Variants in EQTN observed in about 807,000 individuals in gnomAD.
EQTN encodes Acrosome formation associated factor.
In EQTN, 29 loss-of-function variants were observed where a neutral mutation model predicts 26.9. The observed-to-expected ratio is 1.08, with a 90% CI of 0.80 to 1.47. The LOEUF (loss-of-function observed/expected upper bound fraction) is 1.47, where lower values mean the gene tolerates loss of function less well. EQTN is among the 40% of genes most tolerant of loss of function. The pLI, the probability that EQTN is intolerant of heterozygous loss-of-function variation, is 0.00. For synonymous variants in EQTN, 129 were observed against 120.0 expected (o/e 1.07, Z -0.49); for missense variants, 391 against 346.1 (o/e 1.13, Z -1.03).
In EQTN at chr9:27,292,430, G is replaced by A. The variant is rs752563294; in HGVS notation, c.347C>T (p.Thr116Ile). ...AATATTTTTATGAGAGGGTTCGCTA[G>A]TAGTTGTTTCTTCTTCAATGGTGGA... is the stretch of plus-strand genomic sequence containing the variant. ...EKSTIEEETT[T>I]SEPSHKNIQR... The change falls in exon 4 of 8, where the codon ACT (threonine) becomes ATT (isoleucine). Residue 116 changes from threonine to isoleucine, a missense_variant. Physicochemically the swap from Thr to Ile is moderately conservative, Grantham distance 89. Transcript: ENST00000380032. 1.9e-6 allele frequency: 3 copies of A among 1,608,132 alleles called. No individual in the cohort carries two copies. Among genetic ancestry groups the A allele is most frequent in the African/African-American group, 1.3e-5 (1 of 74,736 alleles).
chr9:27,287,721 C>A (rs1046180890), intron 6 of EQTN, among the ~76,000 whole-genome samples: 8 of 152,140 alleles, frequency 5.3e-5, no homozygotes, highest in Non-Finnish European at 1.5e-5. Flanking sequence ...AGAAATGACA[C>A]AGTATTTATA....
rs754988912 is a variant in EQTN at position 27,296,754 on chromosome 9, A to G, written c.77-16T>C. 6.9e-6 allele frequency: 11 copies of G among 1,598,676 alleles called. No homozygotes were observed. The highest frequency in any genetic ancestry group is 9.3e-6 in the Non-Finnish European group (11 of 1,176,542). On this transcript the variant is annotated splice_polypyrimidine_tract_variant and intron_variant, in intron 1 of 7. Transcript: ENST00000380032. ...TTAGGCAATGCTAAAAAAAAGTATC[A>G]CACACCATAGATCAGAAATATGTTG...
In EQTN at chr9:27,284,659, A is replaced by G. The variant is rs1047618767; in HGVS notation, c.*64T>C. On this transcript the variant is annotated 3_prime_UTR_variant, in exon 8 of 8. Transcript: ENST00000380032. ...AGAAGACATAAAGAAAGGTCTTTTG[A>G]TGACAAAATAATTAAAGTTATTTAT... is the stretch of plus-strand genomic sequence containing the variant. 3 of 1,530,392 alleles carry G rather than the reference A, an allele frequency of 2.0e-6. No individual in the cohort carries two copies. The highest frequency in any genetic ancestry group is 2.8e-5 in the African/African-American group (2 of 72,506). 94.8% of individuals were successfully genotyped at this position (1,530,392 alleles called of 1,614,324 possible). A position where few individuals can be genotyped will look rare whatever the true frequency, so the allele number is the denominator to read the frequency against.
At chr9:27,292,747 C>T (rs1378547187) in intron 3 of EQTN, among the ~76,000 whole-genome samples, 3 of 152,122 alleles carry the variant, frequency 2.0e-5, no homozygotes, top group African/African-American at 4.8e-5. Context: ...AAGGAACATG[C>T]GGCCCCGGGC....
At chr9:27,287,612 C>G (rs1235818950) in intron 6 of EQTN, among the ~76,000 whole-genome samples, 1 of 152,120 alleles carries the variant, frequency 6.6e-6, no homozygotes, top group Non-Finnish European at 1.5e-5. Flanking sequence ...GCTGTGAAGA[C>G]TAACATAATA....
chr9:27,293,551 T>C (rs532745487), intron 3 of EQTN, among the ~76,000 whole-genome samples: 1 of 152,282 alleles, frequency 6.6e-6, no homozygotes, highest in African/African-American at 2.4e-5. Context: ...CTGACAATCC[T>C]CTGGGGGCCT....
Position 27,289,679 on chromosome 9 carries a change from T to G in EQTN, c.474A>C (p.Pro158=). 6.2e-7 allele frequency: 1 copy of G among 1,605,924 alleles called. No homozygotes were observed. Among genetic ancestry groups the G allele is most frequent in the Non-Finnish European group, 8.5e-7 (1 of 1,175,806 alleles). The change falls in exon 6 of 8, where the codon CCA becomes CCC. Residue 158 remains proline (P), a synonymous_variant. Transcript: ENST00000380032. ...GAAATATTTTGTTCTTACCTGGAAT[T>G]GGGTGAAATAATTGATCTTTATCAT... The part of the protein sequence containing the change: ...VMDDKDQLFH[P]IPESDVNATQ...
At chr9:27,292,296 T>G (rs1252704752) in intron 4 of EQTN, 105 bp downstream of exon 4, 1 of 603,470 alleles carries the variant, frequency 1.7e-6, no homozygotes, top group Non-Finnish European at 2.7e-6. Flanking sequence ...ATAAATTCTT[T>G]AAGCATGCTA....
chr9:27,296,548 A>G, intron 2 of EQTN, 65 bp downstream of exon 2: 1 of 1,142,072 alleles, frequency 8.8e-7, no homozygotes, highest in Non-Finnish European at 1.2e-6. Context: ...TTTAAAAAGG[A>G]CACTTAAGTG....
chr9:27,297,092 G>T lies in EQTN; in HGVS notation c.-37C>A, dbSNP rs768268442. On this transcript the variant is annotated 5_prime_UTR_variant, in exon 1 of 8. Transcript: ENST00000380032. The stretch of plus-strand genomic sequence containing the variant: ...AGTGATTTATCCAGTAATCTAGTGC[G>T]TCTACCCAGAGCCTCCTTTCTGTGG... 1 of 1,467,554 alleles carries T rather than the reference G, an allele frequency of 6.8e-7. No individual in the cohort carries two copies. 90.9% of individuals were successfully genotyped at this position (1,467,554 alleles called of 1,614,324 possible). A position where few individuals can be genotyped will look rare whatever the true frequency, so the allele number is the denominator to read the frequency against.
chr9:27,293,112 A>G (rs1423654342), intron 3 of EQTN, among the ~76,000 whole-genome samples: 3 of 152,118 alleles, frequency 2.0e-5, no homozygotes, highest in Admixed American at 6.5e-5. Context: ...ACAGGAGTCA[A>G]TAAAGTTCCA....
chr9:27,288,026 G>A (rs533321297), intron 6 of EQTN, among the ~76,000 whole-genome samples: 40 of 152,142 alleles, frequency 2.6e-4, no homozygotes, highest in South Asian at 1.0e-3. Context: ...GGCTTGTCTC[G>A]AACTCCTGAC....
chr9:27,291,990 C>A (rs1435104064), intron 4 of EQTN: 1 of 152,256 alleles, frequency 6.6e-6, no homozygotes, highest in Non-Finnish European at 1.5e-5. Context: ...CTCAAATAAT[C>A]ATAGGAAACA....
At chr9:27,286,383 G>C (rs201655449) in intron 6 of EQTN, 21 bp from the exon 7 acceptor site, 2 of 1,567,764 alleles carry the variant, frequency 1.3e-6, no homozygotes, top group East Asian at 2.3e-5. Context: ...AGAGAATGCA[G>C]TGGAAAATAG....
intron 3 of EQTN, 89 bp from the exon 4 acceptor site, chr9:27,292,576 A>G (rs2131308562): frequency 3.0e-6 from 2 of 674,544 alleles, no homozygotes; most frequent in African/African-American, 1.9e-5. Flanking sequence ...TTAAATGGAT[A>G]TTATGGAACA....
intron 6 of EQTN, among the ~76,000 whole-genome samples, chr9:27,287,384 T>G (rs904693716): frequency 6.6e-6 from 1 of 152,210 alleles, no homozygotes; most frequent in Non-Finnish European, 1.5e-5. Context: ...TGGGCTGTGC[T>G]CCTGAATTGC....
chr9:27,296,836 A>G (rs1458402194), intron 1 of EQTN, 98 bp from the exon 2 acceptor site: 7 of 1,563,890 alleles, frequency 4.5e-6, no homozygotes, highest in Non-Finnish European at 6.0e-6. Context: ...GATTAGAGGC[A>G]GAGATTTAAA....
At chr9:27,288,221 G>GT (rs1459842456) in intron 6 of EQTN, among the ~76,000 whole-genome samples, 2 of 151,850 alleles carry the variant, frequency 1.3e-5, no homozygotes, top group Non-Finnish European at 2.9e-5. Flanking sequence ...TAGGACAGAG[G>GT]TTTTTTTTGG....
Position 27,289,749 on chromosome 9 carries a change from G to A in EQTN, c.422-18C>T. On this transcript the variant is annotated intron_variant, in intron 5 of 7. Transcript: ENST00000380032. ...ATTTATAGCTGTTAAAACAAATTGG[G>A]GTTATGGTAAACAACGTTCACTTAC... 1 of 1,593,180 alleles carries A rather than the reference G, an allele frequency of 6.3e-7. No individual in the cohort carries two copies. Among genetic ancestry groups the A allele is most frequent in the Non-Finnish European group, 8.6e-7 (1 of 1,167,422 alleles).
Sources: allele counts gnomAD v4.1 joint callset (sites outside exome capture counted in the v4.1 genomes callset), GRCh38; gene constraint gnomAD v4.1.1; transcripts MANE v1.5; gene names NCBI Gene and HGNC (gene_info 2026-07-23, HGNC 2026-07-21).